CD63: variants seen among roughly 807,000 people sequenced by gnomAD.
The protein encoded by CD63 is CD63 antigen.
In CD63, 16 loss-of-function variants were observed where a neutral mutation model predicts 29.2. The observed-to-expected ratio is 0.55, with a 90% CI of 0.37 to 0.83. The LOEUF (loss-of-function observed/expected upper bound fraction) is 0.83. Ranked by LOEUF, CD63 falls within the 40% of genes least tolerant of loss-of-function variation. The probability of loss-of-function intolerance (pLI) is 0.00; values close to 1 mark genes in which losing one functional copy is unlikely to be tolerated. For synonymous variants in CD63, 118 were observed against 111.7 expected (o/e 1.06, Z -0.36); for missense variants, 251 against 297.3 (o/e 0.84, Z 1.15).
downstream of CD63, chr12:55,723,752 C>A: frequency 1.0e-6 from 1 of 1,000,792 alleles, no homozygotes; most frequent in African/African-American, 1.6e-5. Flanking sequence ...ACCCTTGTCC[C>A]GGGGCAGTAG....
In CD63 at chr12:55,728,938, T is replaced by A. The variant is rs1237412161; in HGVS notation, c.-12+15A>T. 3.0e-6 allele frequency: 3 copies of A among 984,908 alleles called. No individual in the cohort carries two copies. Among genetic ancestry groups the A allele is most frequent in the Non-Finnish European group, 3.6e-6 (3 of 829,896 alleles). 61.0% of individuals were successfully genotyped at this position (984,908 alleles called of 1,614,324 possible). A position where few individuals can be genotyped will look rare whatever the true frequency, so the allele number is the denominator to read the frequency against. ...CCAGCCCGCGCCGAAGTCCGCCGGG[T>A]CCCCGCGGCCTCACCTGGGCTTCCC... is the stretch of plus-strand genomic sequence containing the variant. On this transcript the variant is annotated intron_variant, in intron 1 of 7. Coordinates refer to ENST00000257857, the MANE Select transcript of CD63 (RefSeq NM_001780.6). The surrounding 1 kb of genome is among the most constrained non-coding windows in gnomAD (Gnocchi z 4.8).
At chr12:55,729,095 C>G (rs1877739372), upstream of CD63, 6 of 985,272 alleles carry the variant, frequency 6.1e-6, no homozygotes, top group Non-Finnish European at 7.2e-6. Flanking sequence ...CGAGTGGCCG[C>G]CGGCCTCCCT....
chr12:55,724,074 G>A (rs757862318), downstream of CD63: 5 of 1,601,560 alleles, frequency 3.1e-6, no homozygotes, highest in Non-Finnish European at 3.4e-6. Context: ...CCACACAGGG[G>A]CACATGAAGG....
downstream of CD63, chr12:55,723,778 C>A: frequency 7.6e-7 from 1 of 1,316,538 alleles, no homozygotes; most frequent in Non-Finnish European, 1.1e-6. Flanking sequence ...TCCGTCAAAA[C>A]TCTTGTCCCT....
chr12:55,726,816 T>A (rs1877437495), intron 4 of CD63, 21 bp from the exon 5 acceptor site: 1 of 1,608,272 alleles, frequency 6.2e-7, no homozygotes, highest in African/African-American at 1.3e-5. Flanking sequence ...GGAGGAGCAC[T>A]GTTGCAGTCA....
chr12:55,727,838 T>C (rs899563714), intron 2 of CD63: 20 of 1,039,076 alleles, frequency 1.9e-5, no homozygotes, highest in South Asian at 1.1e-4. Flanking sequence ...CAGGAGCAAA[T>C]TGAAGTGGGC....
intron 6 of CD63, 48 bp downstream of exon 6, chr12:55,726,073 A>G (rs1877293014): frequency 2.5e-6 from 4 of 1,604,384 alleles, no homozygotes; most frequent in Non-Finnish European, 2.6e-6. Flanking sequence ...CTTGCATTCT[A>G]AAACATTTCC....
At position 55,726,967 on chromosome 12, in the gene CD63, G is replaced by T; in HGVS notation, c.256-3C>A. Reference sequence around the variant, plus strand: ...ATAAGAGACAGAAAGATGGCAAACTGCAGGAGCAAAGGACAGAAGTCAAGT... The same window carrying T: ...ATAAGAGACAGAAAGATGGCAAACTTCAGGAGCAAAGGACAGAAGTCAAGT... On this transcript the variant is annotated splice_polypyrimidine_tract_variant and splice_region_variant and intron_variant, in intron 3 of 7. Transcript: ENST00000257857. The T allele has an allele frequency of 6.2e-7, 1 of 1,613,810 alleles. No individual in the cohort carries two copies. The highest frequency in any genetic ancestry group is 8.5e-7 in the Non-Finnish European group (1 of 1,179,846).
upstream of CD63, chr12:55,729,188 T>G: frequency 2.1e-6 from 2 of 963,024 alleles, no homozygotes; most frequent in Non-Finnish European, 2.5e-6. Context: ...CAGGGCCACG[T>G]GGCCCCTACC....
intron 2 of CD63, chr12:55,727,982 G>T: frequency 8.5e-7 from 1 of 1,179,238 alleles, no homozygotes; most frequent in Non-Finnish European, 1.1e-6. Context: ...GCATCAGGCG[G>T]TTGGCTGGTT....
At chr12:55,723,846 A>G, downstream of CD63, 1 of 1,609,172 alleles carries the variant, frequency 6.2e-7, no homozygotes, top group Non-Finnish European at 8.5e-7. Flanking sequence ...CCCTCCCTAT[A>G]GGGCAAGAAC....
Position 55,728,987 on chromosome 12 carries a change from C to T in CD63, c.-46G>A. The stretch of plus-strand genomic sequence containing the variant: ...CCAAGGCTGGCTGCGCGTTCCTCTC[C>T]CGCCGCGGCTCCGGGGCTCTCTAGC... On this transcript the variant is annotated 5_prime_UTR_variant, in exon 1 of 8. Transcript: ENST00000257857. The surrounding 1 kb of genome is among the most constrained non-coding windows in gnomAD (Gnocchi z 4.8). 1.0e-6 allele frequency: 1 copy of T among 985,532 alleles called. No individual in the cohort carries two copies. The allele number at this position is 985,532 out of a possible 1,614,324, so 61.0% of individuals were successfully genotyped here. A position where few individuals can be genotyped will look rare whatever the true frequency, so the allele number is the denominator to read the frequency against.
chr12:55,727,767 G>A, intron 2 of CD63: 2 of 1,033,282 alleles, frequency 1.9e-6, no homozygotes, highest in Non-Finnish European at 2.3e-6. Flanking sequence ...GAGGAAAAGG[G>A]AGCAAGAGTG....
In CD63 at chr12:55,727,482, T is replaced by C. The variant is rs1382478664; in HGVS notation, c.67-143A>G. On this transcript the variant is annotated intron_variant, in intron 2 of 7. Transcript: ENST00000257857. ...CACCTCTAGGGAATTTCTTTGGCTGTGGGGTAGGGGGATGACCCATCCTTG... is the reference window on the plus strand; with the variant it reads ...CACCTCTAGGGAATTTCTTTGGCTGCGGGGTAGGGGGATGACCCATCCTTG... 4 of 1,193,188 alleles carry C rather than the reference T, an allele frequency of 3.4e-6. No homozygotes were observed. In the East Asian group the frequency reaches 1.1e-4, roughly 32 times the overall value. The allele number at this position is 1,193,188 out of a possible 1,614,324, so 73.9% of individuals were successfully genotyped here. A position where few individuals can be genotyped will look rare whatever the true frequency, so the allele number is the denominator to read the frequency against.
At chr12:55,724,173 T>C (rs1877080783), downstream of CD63, 5 of 1,461,468 alleles carry the variant, frequency 3.4e-6, no homozygotes, top group Non-Finnish European at 4.7e-6. Context: ...AACAGGATGT[T>C]ACAAGAGTGC....
In CD63 at chr12:55,726,802, G is replaced by A; in HGVS notation, c.331-7C>T. On this transcript the variant is annotated splice_region_variant and splice_polypyrimidine_tract_variant and intron_variant, in intron 4 of 7. Coordinates refer to ENST00000257857, the MANE Select transcript of CD63 (RefSeq NM_001780.6). Reference sequence around the variant, plus strand: ...TATTAAACTCTGACATCACCTGAGAGTACGGAGGAGCACTGTTGCAGTCAG... The same window carrying A: ...TATTAAACTCTGACATCACCTGAGAATACGGAGGAGCACTGTTGCAGTCAG... 6.2e-7 allele frequency: 1 copy of A among 1,611,440 alleles called. No individual in the cohort carries two copies. Among genetic ancestry groups the A allele is most frequent in the Non-Finnish European group, 8.5e-7 (1 of 1,177,476 alleles).
At chr12:55,724,705 A>G, downstream of CD63, 1 of 749,656 alleles carries the variant, frequency 1.3e-6, no homozygotes, top group Admixed American at 2.1e-5. Flanking sequence ...GCCCAGTGGA[A>G]GGCTGACCCC....
At position 55,728,742 on chromosome 12, in the gene CD63, T is replaced by C. The variant is rs1157329069; in HGVS notation, c.-12+211A>G. 1.2e-5 allele frequency: 11 copies of C among 922,946 alleles called. No individual in the cohort carries two copies. Among genetic ancestry groups the C allele is most frequent in the Non-Finnish European group, 2.5e-6 (2 of 786,358 alleles). 57.2% of individuals were successfully genotyped at this position (922,946 alleles called of 1,614,324 possible). A position where few individuals can be genotyped will look rare whatever the true frequency, so the allele number is the denominator to read the frequency against. On this transcript the variant is annotated intron_variant, in intron 1 of 7. Coordinates refer to ENST00000257857, the MANE Select transcript of CD63 (RefSeq NM_001780.6). This position sits in a 1 kb window ranked among gnomAD's most constrained non-coding sequence, Gnocchi z 4.8. ...GCCCCAGCCCCTTTCCCCTGGGCTC[T>C]GACCTCCCCGCCCACCAAAAAAAAA... is the stretch of plus-strand genomic sequence containing the variant.
chr12:55,729,016 G>GC, upstream of CD63: 2 of 985,220 alleles, frequency 2.0e-6, no homozygotes, highest in African/African-American at 1.7e-5. Context: ...CTCTAGCTGC[G>GC]CCCCCCGGCT....
Sources: allele counts gnomAD v4.1 joint callset, GRCh38; gene constraint gnomAD v4.1.1; non-coding constraint Gnocchi (gnomAD v3.1); transcripts MANE v1.5; gene names NCBI Gene and HGNC (gene_info 2026-07-23, HGNC 2026-07-21).